MMP20: variants seen among roughly 807,000 people sequenced by gnomAD.
MMP20 encodes matrix metallopeptidase 20, also known as matrix metalloproteinase-20.
A neutral mutation model predicts 51.8 loss-of-function variants in MMP20; 50 were observed. That is an observed-to-expected ratio of 0.97 (90% confidence interval 0.77 to 1.22). The LOEUF (loss-of-function observed/expected upper bound fraction) is 1.22, where lower values mean the gene tolerates loss of function less well. MMP20 is among the 50% of genes most tolerant of loss of function. The pLI is 0.00. For missense variants in MMP20, 663 were observed against 601.4 expected (o/e 1.10, Z -1.07); for synonymous variants, 244 against 216.2 (o/e 1.13, Z -1.13).
chr11:102,601,148 T>A (rs1332806335), intron 6 of MMP20, among the ~76,000 whole-genome samples: 1 of 29,500 alleles, frequency 3.4e-5, no homozygotes, highest in East Asian at 6.3e-4. Flanking sequence ...TTTTTTTTTT[T>A]TTGAGACGGA....
chr11:102,602,190 C>G (rs7946682), intron 6 of MMP20, among the ~76,000 whole-genome samples: 69,345 of 137,304 alleles, frequency 0.51, 18,142 homozygotes, highest in South Asian at 0.65. Flanking sequence ...GGATGGTCTC[C>G]ATCTCCTGAC....
chr11:102,615,267 CTTATTTAATATAAT>C (rs1371653722), intron 2 of MMP20, among the ~76,000 whole-genome samples: 3 of 145,960 alleles, frequency 2.1e-5, no homozygotes, highest in South Asian at 2.1e-4. Flanking sequence ...AAATAATATA[CTTATTTAATATAAT>C]TTATTTAATA....
chr11:102,581,087 T>C (rs1372169777), intron 8 of MMP20, among the ~76,000 whole-genome samples: 1 of 152,162 alleles, frequency 6.6e-6, no homozygotes, highest in Non-Finnish European at 1.5e-5. Context: ...AAACGTACTT[T>C]GAGCTCTGAG....
rs138907324 is a variant in MMP20, at chr11:102,597,854, G to A, written c.954-3097C>T. ...GTGATCTAAGTTCATGGCAACTTCC[G>A]CCTCCTGGGTTCAAGCAATTCTCCT... is the stretch of plus-strand genomic sequence containing the variant. On this transcript the variant is annotated intron_variant, in intron 6 of 9. Transcript: ENST00000260228. 5.2e-3 allele frequency among the ~76,000 whole-genome samples: 796 copies of A among 152,004 alleles called. 3 individuals are homozygous for A. The highest frequency in any genetic ancestry group is 0.017 in the African/African-American group (700 of 41,460).
chr11:102,596,320 A>G (rs187154462), intron 6 of MMP20, among the ~76,000 whole-genome samples: 21 of 152,324 alleles, frequency 1.4e-4, no homozygotes, highest in Admixed American at 4.6e-4. Flanking sequence ...CATGGTGCAG[A>G]AGGAAAAACA....
intron 1 of MMP20, among the ~76,000 whole-genome samples, chr11:102,617,724 T>C (rs1257969992): frequency 6.6e-6 from 1 of 152,226 alleles, no homozygotes; most frequent in Non-Finnish European, 1.5e-5. Context: ...CCATAAATTA[T>C]AAGGCTTTCA....
intron 6 of MMP20, among the ~76,000 whole-genome samples, chr11:102,605,001 T>C (rs529372124): frequency 2.7e-4 from 41 of 152,356 alleles, no homozygotes; most frequent in Admixed American, 2.4e-3. Flanking sequence ...ATTCCTATGC[T>C]GAAGCCTTTA....
At position 102,592,013 on chromosome 11, in the gene MMP20, T is replaced by C. The variant is rs140324815; in HGVS notation, c.1247+1426A>G. Among the ~76,000 whole-genome samples the C allele has an allele frequency of 4.8e-3, 738 of 152,280 alleles. 11 individuals carry two copies. Among genetic ancestry groups the C allele is most frequent in the African/African-American group, 0.017 (695 of 41,540 alleles). On this transcript the variant is annotated intron_variant, in intron 8 of 9. Coordinates refer to ENST00000260228, the MANE Select transcript of MMP20 (RefSeq NM_004771.4). ...ACACTGTGAATACCCTTTAAAACAT[T>C]AACTGAATAATCCTAACATAAACGC...
intron 6 of MMP20, among the ~76,000 whole-genome samples, chr11:102,597,657 G>A (rs1043400115): frequency 6.6e-6 from 1 of 152,172 alleles, no homozygotes; most frequent in African/African-American, 2.4e-5. Flanking sequence ...TAGTGTCAAT[G>A]TTAAGAAACC....
rs1713262386 is a variant in MMP20, at chr11:102,576,874, T to C, written c.*452A>G. 5.8e-6 allele frequency: 1 copy of C among 171,190 alleles called. No individual in the cohort carries two copies. The allele number at this position is 171,190 out of a possible 1,614,324, so 10.6% of individuals were successfully genotyped here. On this transcript the variant is annotated 3_prime_UTR_variant, in exon 10 of 10. Coordinates refer to ENST00000260228, the MANE Select transcript of MMP20 (RefSeq NM_004771.4). ...TTAAGTAAAAATTGGGAAATTTATA[T>C]TTATTATAACAAATGATGGCCAAAT...
At position 102,611,857 on chromosome 11, in the gene MMP20, C is replaced by T; in HGVS notation, c.421G>A (p.Ala141Thr). 1 of 1,614,224 alleles carries T rather than the reference C, an allele frequency of 6.2e-7. No individual in the cohort carries two copies. The highest frequency in any genetic ancestry group is 8.5e-7 in the Non-Finnish European group (1 of 1,180,022). The change falls in exon 3 of 10, where the codon GCA (alanine) becomes ACA (threonine). Residue 141 changes from alanine to threonine, a missense_variant. Coordinates refer to ENST00000260228, the MANE Select transcript of MMP20 (RefSeq NM_004771.4). Reference protein sequence around the residue: ...PSMSSVEVDKAVEMALQAWSS... With the variant: ...PSMSSVEVDKTVEMALQAWSS... ...CAGGCCTGCAAGGCCATCTCCACTG[C>T]TTTGTCCACCTCGACAGAACTCATG...
At chr11:102,608,420 C>T (rs1429137691) in intron 5 of MMP20, among the ~76,000 whole-genome samples, 1 of 152,150 alleles carries the variant, frequency 6.6e-6, no homozygotes, top group Non-Finnish European at 1.5e-5. Context: ...GTCTTCAAAC[C>T]TCAGCTTTCT....
chr11:102,591,388 G>C (rs760409027), intron 8 of MMP20, among the ~76,000 whole-genome samples: 1 of 152,162 alleles, frequency 6.6e-6, no homozygotes, highest in Non-Finnish European at 1.5e-5. Flanking sequence ...TGACTGAATC[G>C]CCGCTCAGAG....
chr11:102,579,909 A>C (rs894392116), intron 8 of MMP20, among the ~76,000 whole-genome samples: 3 of 152,246 alleles, frequency 2.0e-5, no homozygotes, highest in Non-Finnish European at 4.4e-5. Flanking sequence ...AATCATTGAA[A>C]GCCTTTCATA....
At position 102,577,360 on chromosome 11, in the gene MMP20, C is replaced by A; in HGVS notation, c.1418G>T (p.Ser473Ile). The A allele has an allele frequency of 6.2e-7, 1 of 1,614,068 alleles. No individual in the cohort carries two copies. Among genetic ancestry groups the A allele is most frequent in the Non-Finnish European group, 8.5e-7 (1 of 1,179,910 alleles). Residue 473 changes from serine to isoleucine, a missense_variant, in exon 10 of 10, where the codon AGT (serine) becomes ATT (isoleucine). Physicochemically the swap from Ser to Ile is moderately radical, Grantham distance 142. Transcript: ENST00000260228. ...KYDTEKEDVV[S>I]VVKSSSWIGC is the part of the protein sequence containing the mutation. ...AATCCAGGAACTAGATTTCACCACA[C>A]TAACCACATCTTCCTTCTCTGTGTC...
rs1859607380 is a variant in MMP20 at position 102,611,999 on chromosome 11, A to G, written c.375-96T>C. 4.1e-6 allele frequency: 5 copies of G among 1,206,686 alleles called. No homozygotes were observed. In the East Asian group the frequency reaches 7.3e-5, roughly 18 times the overall value. The allele number at this position is 1,206,686 out of a possible 1,614,324, so 74.7% of individuals were successfully genotyped here. ...TTCAAAAAATGTTAAATGTAAATCT[A>G]CAATTTAGATTTTTCTCTGAAATAA... is the stretch of plus-strand genomic sequence containing the variant. On this transcript the variant is annotated intron_variant, in intron 2 of 9. Transcript: ENST00000260228.
chr11:102,608,103 G>A (rs1190321660), intron 5 of MMP20: 1 of 152,214 alleles, frequency 6.6e-6, no homozygotes, highest in Non-Finnish European at 1.5e-5. Flanking sequence ...AGCACCCCAG[G>A]AAGCTGTTGG....
At chr11:102,602,466 G>C (rs1591616179) in intron 6 of MMP20, among the ~76,000 whole-genome samples, 1 of 152,158 alleles carries the variant, frequency 6.6e-6, no homozygotes, top group Non-Finnish European at 1.5e-5. Flanking sequence ...TGCAAGCAGA[G>C]GGTGTGGAAG....
At chr11:102,614,998 A>T (rs572245331) in intron 2 of MMP20, among the ~76,000 whole-genome samples, 36 of 150,824 alleles carry the variant, frequency 2.4e-4, no homozygotes, top group Admixed American at 6.6e-5. Flanking sequence ...GTAGTGAAAT[A>T]AGAGGCAATA....
Sources: allele counts gnomAD v4.1 joint callset (sites outside exome capture counted in the v4.1 genomes callset), GRCh38; gene constraint gnomAD v4.1.1; transcripts MANE v1.5; gene names NCBI Gene and HGNC (gene_info 2026-07-23, HGNC 2026-07-21).